The following KLF13 variants were observed in gnomAD, a reference collection of about 807,000 sequenced individuals.
KLF13 encodes the protein Krueppel-like factor 13.
In KLF13, 8 loss-of-function variants were observed where a neutral mutation model predicts 16.7. That is an observed-to-expected ratio of 0.48 (90% confidence interval 0.28 to 0.87). The LOEUF is 0.87. Ranked by LOEUF, KLF13 falls within the 40% of genes least tolerant of loss-of-function variation. The pLI, the probability that KLF13 is intolerant of heterozygous loss-of-function variation, is 0.10. For synonymous variants in KLF13, 245 were observed against 208.4 expected, an observed-to-expected ratio of 1.18 and a Z score of -1.51; for missense variants, 447 against 452.2, an observed-to-expected ratio of 0.99 and a Z score of 0.10.
At chr15:31,382,224 C>T (rs1198100119), downstream of KLF13, among the ~76,000 whole-genome samples, 1 of 152,224 alleles carries the variant, frequency 6.6e-6, no homozygotes, top group African/African-American at 2.4e-5. Flanking sequence ...CTCCCTGTCC[C>T]AGAGGCCTGC....
At chr15:31,434,150 C>T (rs1465786317) in intron 1 of KLF13, among the ~76,000 whole-genome samples, 2 of 152,208 alleles carry the variant, frequency 1.3e-5, no homozygotes, top group Non-Finnish European at 2.9e-5. Flanking sequence ...CTCGTTGCTT[C>T]GCGTCCGTTA....
chr15:31,385,751 A>G (rs1409448797), intron 1 of KLF13, among the ~76,000 whole-genome samples: 1 of 152,190 alleles, frequency 6.6e-6, no homozygotes, highest in Non-Finnish European at 1.5e-5. Flanking sequence ...TCCCTAAGAC[A>G]CAATATCGAA....
At chr15:31,338,328 G>GTA (rs1359650373) in intron 1 of KLF13, among the ~76,000 whole-genome samples, 1 of 152,198 alleles carries the variant, frequency 6.6e-6, no homozygotes, top group Non-Finnish European at 1.5e-5. Context: ...ATGTGTGTGT[G>GTA]TATATATGCC....
At chr15:31,379,932 G>A (rs989575080), downstream of KLF13, among the ~76,000 whole-genome samples, 1 of 152,170 alleles carries the variant, frequency 6.6e-6, no homozygotes, top group Admixed American at 6.5e-5. Context: ...GAAGCATCTG[G>A]TGGAGGGCGG....
downstream of KLF13, among the ~76,000 whole-genome samples, chr15:31,407,540 T>C (rs371756222): frequency 6.6e-6 from 1 of 152,202 alleles, no homozygotes; most frequent in Non-Finnish European, 1.5e-5. Context: ...GCAAAAATAA[T>C]GTTTTATGTA....
intron 1 of KLF13, among the ~76,000 whole-genome samples, chr15:31,433,548 G>C (rs772557530): frequency 1.3e-5 from 2 of 152,070 alleles, no homozygotes; most frequent in African/African-American, 4.8e-5. Context: ...CTGTACATGC[G>C]ATCAGGGCAG....
chr15:31,350,858 C>T (rs1246995990), intron 1 of KLF13, among the ~76,000 whole-genome samples: 3 of 152,254 alleles, frequency 2.0e-5, no homozygotes, highest in Non-Finnish European at 4.4e-5. Context: ...TGGCACTCTT[C>T]GCCCAGGCGC....
intron 1 of KLF13, among the ~76,000 whole-genome samples, chr15:31,416,183 C>A (rs541676846): frequency 2.0e-5 from 3 of 152,074 alleles, no homozygotes; most frequent in Non-Finnish European, 4.4e-5. Context: ...AAACTACCCA[C>A]TAAGAAAATC....
intron 1 of KLF13, among the ~76,000 whole-genome samples, chr15:31,428,757 C>A (rs145453259): frequency 7.8e-6 from 1 of 128,490 alleles, no homozygotes; most frequent in Non-Finnish European, 1.6e-5. Flanking sequence ...GAGCCGAGAT[C>A]GCGCCACTGC....
intron 1 of KLF13, among the ~76,000 whole-genome samples, chr15:31,333,383 C>T (rs1410788400): frequency 6.6e-6 from 1 of 152,176 alleles, no homozygotes; most frequent in Non-Finnish European, 1.5e-5. Flanking sequence ...TTTCAGGTCA[C>T]TGCAGGTGAG....
chr15:31,434,672 AGG>A (rs1167293403), intron 1 of KLF13, among the ~76,000 whole-genome samples: 1 of 152,194 alleles, frequency 6.6e-6, no homozygotes, highest in Non-Finnish European at 1.5e-5. Flanking sequence ...AATCAAAAAC[AGG>A]TTTGTTTGTG....
rs571870869 is a variant in KLF13, at chr15:31,420,135, C to CCCAAGA, written n.118-15231_118-15226dup. The CCCAAGA allele has an allele frequency of 1.5e-3, 676 of 448,698 alleles. 6 individuals are homozygous for CCCAAGA. Among genetic ancestry groups the CCCAAGA allele is most frequent in the South Asian group, 7.1e-3 (372 of 52,054 alleles). 27.8% of individuals were successfully genotyped at this position (448,698 alleles called of 1,614,324 possible). On this transcript the variant is annotated intron_variant and non_coding_transcript_variant, in intron 1 of 1. Coordinates refer to the KLF13 transcript ENST00000558225. ...GAAGGAGAAGGCAGCCAAGTGGTCT[C>CCCAAGA]CCAAGACCATAACCCAGCAGCCACT...
intron 2 of KLF13, among the ~76,000 whole-genome samples, chr15:31,394,994 G>A (rs1374451203): frequency 5.3e-5 from 8 of 151,956 alleles, no homozygotes. Context: ...GTTTTGTTTT[G>A]TTTTAGAGGG....
rs144428192 is a variant in KLF13, at chr15:31,334,436, T to C, written c.577+6647T>C. Among the ~76,000 whole-genome samples, 1,139 of 152,106 alleles carry C rather than the reference T, an allele frequency of 7.5e-3. 19 individuals are homozygous for C. The highest frequency in any genetic ancestry group is 0.026 in the African/African-American group (1,098 of 41,544). ...CTGTTTTTCTTTTCTTTCTTTCTTT[T>C]TTTTTTTTGAGACGAAGTCTTGCTC... On this transcript the variant is annotated intron_variant, in intron 1 of 1. Coordinates refer to ENST00000307145, the MANE Select transcript of KLF13 (RefSeq NM_015995.4).
chr15:31,360,757 G>T (rs2039370524), intron 1 of KLF13, among the ~76,000 whole-genome samples: 1 of 152,180 alleles, frequency 6.6e-6, no homozygotes, highest in Non-Finnish European at 1.5e-5. Flanking sequence ...CGTTTTTTAG[G>T]CCCGTCGTCC....
chr15:31,368,115 T>C (rs933171936), intron 1 of KLF13, among the ~76,000 whole-genome samples: 4 of 151,994 alleles, frequency 2.6e-5, no homozygotes, highest in African/African-American at 4.8e-5. Context: ...CTGACCTGAT[T>C]ACATCTGCAA....
At chr15:31,390,094 G>A (rs576714932), upstream of KLF13, among the ~76,000 whole-genome samples, 1 of 152,186 alleles carries the variant, frequency 6.6e-6, no homozygotes, top group Non-Finnish European at 1.5e-5. Context: ...GAATAATAAT[G>A]TGCCTTTGAT....
At chr15:31,420,817 C>T (rs779780618) in intron 1 of KLF13, among the ~76,000 whole-genome samples, 15 of 151,880 alleles carry the variant, frequency 9.9e-5, no homozygotes, top group South Asian at 4.2e-4. Context: ...CTCAGCCTCC[C>T]GAGTAGCTGG....
intron 1 of KLF13, among the ~76,000 whole-genome samples, chr15:31,352,851 C>G (rs115499670): frequency 1.1e-3 from 161 of 152,338 alleles, no homozygotes; most frequent in African/African-American, 3.8e-3. Flanking sequence ...CCAGATAGAA[C>G]CCAGAGCCCA....
Sources: gnomAD v4.1 joint callset for allele counts (sites outside exome capture counted in the v4.1 genomes callset) on GRCh38, gnomAD v4.1.1 for gene constraint, MANE v1.5 for transcripts, NCBI Gene and HGNC (gene_info 2026-07-23, HGNC 2026-07-21) for gene names.